Variants in LIFR observed in about 807,000 individuals in gnomAD.
LIFR encodes LIF receptor subunit alpha.
LIFR carries 84 observed loss-of-function variants against 122.2 expected under a neutral mutation model. That is an observed-to-expected ratio of 0.69 (90% CI 0.58 to 0.82). The LOEUF (loss-of-function observed/expected upper bound fraction) is 0.82. Ranked by LOEUF, LIFR falls within the 40% of genes least tolerant of loss-of-function variation. The pLI is 0.00. For synonymous variants in LIFR, 422 were observed against 434.7 expected (o/e 0.97, Z 0.36); for missense variants, 1,294 against 1,311.6 (o/e 0.99, Z 0.21).
chr5:38,527,890 A>C (rs2112561517), intron 3 of LIFR, among the ~76,000 whole-genome samples: 1 of 152,190 alleles, frequency 6.6e-6, no homozygotes, highest in South Asian at 2.1e-4. Flanking sequence ...ATATGTTTCA[A>C]ACTTCTTATA....
At chr5:38,525,260 T>TG (rs1294327753) in intron 4 of LIFR, among the ~76,000 whole-genome samples, 2 of 152,186 alleles carry the variant, frequency 1.3e-5, no homozygotes. Flanking sequence ...CAGAGAGACT[T>TG]GGACTTTCTT....
chr5:38,563,049 C>A (rs1748892579), intron 1 of LIFR, among the ~76,000 whole-genome samples: 1 of 152,188 alleles, frequency 6.6e-6, no homozygotes, highest in South Asian at 2.1e-4. Context: ...CTCTGGCAAA[C>A]AGGGACATTT....
At chr5:38,596,902 T>C (rs1483778692), upstream of LIFR, among the ~76,000 whole-genome samples, 2 of 130,712 alleles carry the variant, frequency 1.5e-5, no homozygotes, top group Non-Finnish European at 3.3e-5. Flanking sequence ...CCATAAGAAA[T>C]GGCATGCAAG....
intron 1 of LIFR, among the ~76,000 whole-genome samples, chr5:38,565,967 G>A (rs1749010658): frequency 6.6e-6 from 1 of 152,200 alleles, no homozygotes; most frequent in South Asian, 2.1e-4. Flanking sequence ...ACAACAGTGA[G>A]TGAGACAAAG....
In LIFR at chr5:38,505,929, T is replaced by C. The variant is rs144606459; in HGVS notation, c.1267A>G (p.Ile423Val). ...HNPLGRSQSTILVNITEKVYP... is the reference protein window; with the variant it reads ...HNPLGRSQSTVLVNITEKVYP... ...CCTTTTTCAGTTATATTAACTAAAA[T>C]TGTTGATTGTGATCGACCCAGCGGA... The change falls in exon 9 of 20, where the codon ATT (isoleucine) becomes GTT (valine). Residue 423 changes from isoleucine (I) to valine (V), a missense_variant. Ile to Val is a conservative substitution (Grantham distance 29, BLOSUM62 3). Coordinates refer to ENST00000453190, the MANE Select transcript of LIFR (RefSeq NM_001127671.2). 1.5e-4 allele frequency: 247 copies of C among 1,608,568 alleles called. No homozygotes were observed. Among genetic ancestry groups the C allele is most frequent in the Admixed American group, 7.7e-4 (46 of 59,720 alleles).
chr5:38,498,535 A>T (rs954543680), intron 12 of LIFR, among the ~76,000 whole-genome samples: 1 of 152,178 alleles, frequency 6.6e-6, no homozygotes, highest in African/African-American at 2.4e-5. Flanking sequence ...TTGAAAACTC[A>T]CTATGACCAA....
chr5:38,523,441 T>C lies in LIFR; in HGVS notation c.539A>G (p.Glu180Gly). 4.3e-6 allele frequency: 7 copies of C among 1,612,784 alleles called. No individual in the cohort carries two copies. The highest frequency in any genetic ancestry group is 1.7e-4 in the Middle Eastern group (1 of 6,048). Reference sequence around the variant, plus strand: ...TACTAATTTTACGAGCTCCATACTCTCTTTACGTAGAACTTTAATTTCCCA... The same window carrying C: ...TACTAATTTTACGAGCTCCATACTCCCTTTACGTAGAACTTTAATTTCCCA... ...VIWEIKVLRKESMELVKLVTH... is the reference protein window; with the variant it reads ...VIWEIKVLRKGSMELVKLVTH... Residue 180 changes from glutamate (E) to glycine (G), a missense_variant, in exon 5 of 20, where the codon GAG (glutamate) becomes GGG (glycine). Glu to Gly is a moderately conservative substitution (Grantham distance 98). Coordinates refer to ENST00000453190, the MANE Select transcript of LIFR (RefSeq NM_001127671.2).
chr5:38,530,668 T>C lies in LIFR; in HGVS notation c.-19-2A>G. 6.2e-7 allele frequency: 1 copy of C among 1,613,216 alleles called. No individual in the cohort carries two copies. On this transcript the variant is annotated splice_acceptor_variant, in intron 1 of 19. Transcript: ENST00000453190. LOFTEE classifies it low-confidence loss of function (5UTR_SPLICE). ...ATCATCTGTGCAATGCAGTCAGTCC[T>C]AGGTTAGGAGAGGAATTCCAGATGG...
intron 2 of LIFR, among the ~76,000 whole-genome samples, 163 bp downstream of exon 2, chr5:38,530,343 T>A (rs1345336050): frequency 6.6e-6 from 1 of 151,554 alleles, no homozygotes; most frequent in African/African-American, 2.4e-5. Context: ...TCATTAAGGA[T>A]CTTTTTAAAA....
intron 13 of LIFR, 129 bp downstream of exon 13, chr5:38,496,253 T>C (rs1744868894): frequency 1.3e-6 from 1 of 769,328 alleles, no homozygotes; most frequent in Non-Finnish European, 2.3e-6. Context: ...AATCTGCTCA[T>C]TCTGCCTTCT....
At chr5:38,553,643 TATA>T (rs1308931836) in intron 1 of LIFR, among the ~76,000 whole-genome samples, 1 of 92,272 alleles carries the variant, frequency 1.1e-5, no homozygotes, top group African/African-American at 5.1e-5. Flanking sequence ...TATATATATA[TATA>T]TATATATATA....
At chr5:38,518,242 AAT>A (rs1187962405) in intron 5 of LIFR, among the ~76,000 whole-genome samples, 8 of 152,160 alleles carry the variant, frequency 5.3e-5, no homozygotes, top group Admixed American at 5.2e-4. Flanking sequence ...TTTCTTATAA[AAT>A]ATAAATTGTA....
At chr5:38,542,463 T>C (rs988148410) in intron 1 of LIFR, among the ~76,000 whole-genome samples, 2 of 152,024 alleles carry the variant, frequency 1.3e-5, no homozygotes, top group Admixed American at 6.6e-5. Flanking sequence ...TCGGGCCTAG[T>C]TGGGGCCTCT....
chr5:38,605,552 C>T (rs1303299347), intron 2 of LIFR, among the ~76,000 whole-genome samples: 1 of 151,958 alleles, frequency 6.6e-6, no homozygotes, highest in Non-Finnish European at 1.5e-5. Flanking sequence ...ATTTTGGGAC[C>T]CCCAAATCAC....
At chr5:38,510,887 T>C (rs186595695) in intron 6 of LIFR, among the ~76,000 whole-genome samples, 169 bp from the exon 7 acceptor site, 22 of 152,338 alleles carry the variant, frequency 1.4e-4, no homozygotes, top group Non-Finnish European at 2.9e-5. Context: ...TAAGGTGTGT[T>C]CCACAGGTTT....
chr5:38,566,462 A>G (rs114950742), intron 1 of LIFR, among the ~76,000 whole-genome samples: 1 of 152,184 alleles, frequency 6.6e-6, no homozygotes, highest in South Asian at 2.1e-4. Context: ...TCTACATATA[A>G]ATTGTTAGTT....
At chr5:38,535,120 A>G (rs1747225425) in intron 1 of LIFR, among the ~76,000 whole-genome samples, 1 of 152,214 alleles carries the variant, frequency 6.6e-6, no homozygotes, top group African/African-American at 2.4e-5. Flanking sequence ...TATACAATCC[A>G]TACAACTGGA....
Position 38,493,716 on chromosome 5 carries a change from T to C in LIFR, c.1955A>G (p.Asn652Ser), listed in dbSNP as rs760838796. ...GILLTWHYDPNMTCDYVIKWC... is the reference protein window; with the variant it reads ...GILLTWHYDPSMTCDYVIKWC... Reference sequence around the variant, plus strand: ...CTTAATGACGTAGTCGCAAGTCATGTTGGGGTCGTAATGCCAGGTGAGGAG... The same window carrying C: ...CTTAATGACGTAGTCGCAAGTCATGCTGGGGTCGTAATGCCAGGTGAGGAG... Residue 652 changes from asparagine to serine, a missense_variant, in exon 14 of 20, where the codon AAC becomes AGC. Transcript: ENST00000453190. The C allele has an allele frequency of 3.1e-6, 5 of 1,614,110 alleles. No homozygotes were observed. Among genetic ancestry groups the C allele is most frequent in the East Asian group, 4.5e-5 (2 of 44,880 alleles).
intron 1 of LIFR, among the ~76,000 whole-genome samples, chr5:38,573,171 A>C (rs971447774): frequency 5.3e-5 from 8 of 152,278 alleles, no homozygotes; most frequent in Non-Finnish European, 8.8e-5. Flanking sequence ...TGCAACAATT[A>C]AACCAACCAG....
Sources: gnomAD v4.1 joint callset for allele counts (sites outside exome capture counted in the v4.1 genomes callset) on GRCh38, gnomAD v4.1.1 for gene constraint, MANE v1.5 for transcripts, NCBI Gene and HGNC (gene_info 2026-07-23, HGNC 2026-07-21) for gene names.